MAGI2: variants seen among roughly 807,000 people sequenced by gnomAD.
The protein encoded by MAGI2 is membrane associated guanylate kinase, WW and PDZ domain containing 2, also known as membrane-associated guanylate kinase, WW and PDZ domain-containing protein 2.
A neutral mutation model predicts 133.3 loss-of-function variants in MAGI2; 35 were observed. That is an observed-to-expected ratio of 0.26 (90% CI 0.20 to 0.35). The LOEUF (loss-of-function observed/expected upper bound fraction) is 0.35. MAGI2 is among the 10% of genes least tolerant of loss of function. MAGI2 has a pLI of 1.00. For missense variants in MAGI2, 1,636 were observed against 1,863.4 expected, an observed-to-expected ratio of 0.88 and a Z score of 2.25; for synonymous variants, 729 against 710.6, an observed-to-expected ratio of 1.03 and a Z score of -0.41.
At position 78,209,082 on chromosome 7, in the gene MAGI2, C is replaced by T. The variant is rs1474571852; in HGVS notation, c.2048-7889G>A. 7.3e-5 allele frequency among the ~76,000 whole-genome samples: 10 copies of T among 136,312 alleles called. No homozygotes were observed. In the South Asian group the frequency reaches 7.8e-4, roughly 11 times the overall value. The allele number at this position is 136,312 out of a possible 152,430, so 89.4% of individuals were successfully genotyped here. On this transcript the variant is annotated intron_variant, in intron 10 of 21. Transcript: ENST00000354212. ...CTAAAAATACAAAAAATTAGCCGGG[C>T]GTGGTGGCGGGCGCCTGTAGTCCCA...
At position 78,132,992 on chromosome 7, in the gene MAGI2, C is replaced by A. The variant is rs759675365; in HGVS notation, c.3100G>T (p.Ala1034Ser). The change falls in exon 18 of 22, where the codon GCA becomes TCA. Residue 1034 changes from alanine (A) to serine (S), a missense_variant. This residue lies in a region of MAGI2 where 920 missense variants were observed against 1,093.5 expected (regional missense o/e 0.84). Transcript: ENST00000354212. ...QSPMAQQSPLAQQSPLAQPSP... is the reference protein window; with the variant it reads ...QSPMAQQSPLSQQSPLAQPSP... Reference sequence around the variant, plus strand: ...GGCTGGGCCAGGGGACTCTGCTGTGCCAGGGGACTCTGCTGCGCCATGGGA... The same window carrying A: ...GGCTGGGCCAGGGGACTCTGCTGTGACAGGGGACTCTGCTGCGCCATGGGA... 6.2e-7 allele frequency: 1 copy of A among 1,611,272 alleles called. No individual in the cohort carries two copies. Among genetic ancestry groups the A allele is most frequent in the South Asian group, 1.1e-5 (1 of 90,608 alleles).
chr7:78,716,801 T>C (rs535647474), intron 2 of MAGI2, among the ~76,000 whole-genome samples: 2 of 152,268 alleles, frequency 1.3e-5, no homozygotes, highest in African/African-American at 2.4e-5. Context: ...TAAGACCCAC[T>C]GGAAGTTCAG....
chr7:78,600,192 C>T (rs1373847823), intron 3 of MAGI2, among the ~76,000 whole-genome samples: 1 of 151,996 alleles, frequency 6.6e-6, no homozygotes, highest in Non-Finnish European at 1.5e-5. Flanking sequence ...ACATTTTTAT[C>T]CCCTCTCCTG....
intron 2 of MAGI2, among the ~76,000 whole-genome samples, chr7:78,793,618 T>A (rs1787359866): frequency 6.6e-6 from 1 of 152,168 alleles, no homozygotes; most frequent in Non-Finnish European, 1.5e-5. Context: ...GGAGAAAAAA[T>A]GTGATCTTCT....
chr7:78,271,500 T>C (rs187451081), intron 9 of MAGI2, among the ~76,000 whole-genome samples: 72 of 152,316 alleles, frequency 4.7e-4, no homozygotes, highest in African/African-American at 1.6e-3. Flanking sequence ...CTTCTTTTTC[T>C]GTTGTTTGGG....
At chr7:78,888,328 G>T (rs1584287438) in intron 2 of MAGI2, among the ~76,000 whole-genome samples, 1 of 152,224 alleles carries the variant, frequency 6.6e-6, no homozygotes, top group Admixed American at 6.5e-5. Context: ...ACAAAAGGCA[G>T]CAGAAACCTC....
rs1483907058 is a variant in MAGI2 at position 78,915,898 on chromosome 7, G to A, written c.418+91192C>T. On this transcript the variant is annotated intron_variant, in intron 2 of 21. Transcript: ENST00000354212. ...GGGTCTCTCTGAGAAGGTGGCGTGAGCAGAAACGTGAAGGAAGTAGGGGAG... is the reference window on the plus strand; with the variant it reads ...GGGTCTCTCTGAGAAGGTGGCGTGAACAGAAACGTGAAGGAAGTAGGGGAG... Among the ~76,000 whole-genome samples the A allele has an allele frequency of 8.5e-5, 13 of 152,120 alleles. 2 individuals carry two copies. In the South Asian group the frequency reaches 2.5e-3, roughly 29 times the overall value.
intron 20 of MAGI2, among the ~76,000 whole-genome samples, chr7:78,115,911 A>G (rs1254452351): frequency 6.6e-6 from 1 of 152,266 alleles, no homozygotes; most frequent in Non-Finnish European, 1.5e-5. Context: ...AATAGATCAA[A>G]TAGATAAAAA....
At chr7:78,139,515 C>A (rs1169962486) in intron 16 of MAGI2, among the ~76,000 whole-genome samples, 1 of 152,314 alleles carries the variant, frequency 6.6e-6, no homozygotes, top group Middle Eastern at 3.4e-3. Context: ...GAGGCCCTGA[C>A]CTTGGTTTCT....
intron 2 of MAGI2, among the ~76,000 whole-genome samples, chr7:79,001,910 T>C (rs889030835): frequency 1.3e-5 from 2 of 152,138 alleles, no homozygotes; most frequent in African/African-American, 2.4e-5. Context: ...ACTATGAGGG[T>C]AATTGAAATC....
chr7:78,159,915 T>C, intron 16 of MAGI2, 110 bp downstream of exon 16: 1 of 1,396,056 alleles, frequency 7.2e-7, no homozygotes. Context: ...GCTTTCAGGC[T>C]ATACAGTATG....
intron 15 of MAGI2, among the ~76,000 whole-genome samples, chr7:78,166,799 C>A (rs528426243): frequency 6.6e-6 from 1 of 152,166 alleles, no homozygotes; most frequent in East Asian, 1.9e-4. Context: ...TAAGTTCTGG[C>A]CTAACATCTT....
intron 10 of MAGI2, among the ~76,000 whole-genome samples, chr7:78,209,477 G>A (rs1467066114): frequency 6.6e-6 from 1 of 151,606 alleles, no homozygotes; most frequent in Non-Finnish European, 1.5e-5. Context: ...TGGCCAGGAT[G>A]GTCTTGATCT....
intron 9 of MAGI2, among the ~76,000 whole-genome samples, chr7:78,284,016 A>T (rs1484047782): frequency 6.6e-6 from 1 of 152,172 alleles, no homozygotes; most frequent in African/African-American, 2.4e-5. Context: ...ACAACATTAA[A>T]TAAATGCCTC....
At chr7:79,333,532 T>A (rs1194951739) in intron 1 of MAGI2, among the ~76,000 whole-genome samples, 1 of 152,244 alleles carries the variant, frequency 6.6e-6, no homozygotes, top group Non-Finnish European at 1.5e-5. Context: ...GTATTTGGAT[T>A]TATTCTTGAT....
At chr7:78,141,096 G>A (rs1456150913) in intron 16 of MAGI2, among the ~76,000 whole-genome samples, 1 of 152,050 alleles carries the variant, frequency 6.6e-6, no homozygotes, top group Non-Finnish European at 1.5e-5. Flanking sequence ...GAGGGTAAAT[G>A]GGTATATAAT....
chr7:78,480,264 AAAT>A (rs1195960682), intron 6 of MAGI2, among the ~76,000 whole-genome samples: 9 of 151,944 alleles, frequency 5.9e-5, no homozygotes, highest in Admixed American at 5.9e-4. Flanking sequence ...TTTAAAGAAA[AAAT>A]TGACACCAAT....
At chr7:79,245,805 T>C (rs1179060888) in intron 1 of MAGI2, among the ~76,000 whole-genome samples, 2 of 152,186 alleles carry the variant, frequency 1.3e-5, no homozygotes, top group African/African-American at 4.8e-5. Flanking sequence ...CAGCAATTAC[T>C]CTAGGTCTTG....
At chr7:79,315,693 G>A (rs1451957122) in intron 1 of MAGI2, among the ~76,000 whole-genome samples, 1 of 152,110 alleles carries the variant, frequency 6.6e-6, no homozygotes, top group Non-Finnish European at 1.5e-5. Context: ...TGAGGCTGGG[G>A]GAGGGAAAGG....
Sources: allele counts gnomAD v4.1 joint callset (sites outside exome capture counted in the v4.1 genomes callset), GRCh38; gene constraint gnomAD v4.1.1; regional missense constraint gnomAD v4.1.1; transcripts MANE v1.5; gene names NCBI Gene and HGNC (gene_info 2026-07-23, HGNC 2026-07-21).